Variants in ZNF577 observed in about 807,000 individuals in gnomAD.
The protein encoded by ZNF577 is zinc finger protein 577.
A neutral mutation model predicts 13.9 loss-of-function variants in ZNF577; 14 were observed. The observed-to-expected ratio is 1.00, with a 90% confidence interval of 0.66 to 1.57. ZNF577 has a LOEUF of 1.57. ZNF577 is among the 40% of genes most tolerant of loss of function. ZNF577 has a pLI of 0.00. For missense variants in ZNF577, 555 were observed against 579.2 expected (o/e 0.96, Z 0.43); for synonymous variants, 203 against 202.9 (o/e 1.00, Z 0.00).
chr19:51,886,370 C>A (rs2084946951), intron 1 of ZNF577: 1 of 152,156 alleles, frequency 6.6e-6, no homozygotes, highest in Non-Finnish European at 1.5e-5. Context: ...TTTATCTATA[C>A]CACCATTCAG....
At chr19:51,817,655 T>C (rs2084149537) in intron 9 of ZNF577, 1 of 152,216 alleles carries the variant, frequency 6.6e-6, no homozygotes, top group African/African-American at 2.4e-5. Context: ...TCTGTTCTAC[T>C]CATCAATACA....
intron 9 of ZNF577, among the ~76,000 whole-genome samples, chr19:51,822,242 G>A (rs976006807): frequency 2.0e-5 from 3 of 152,174 alleles, no homozygotes; most frequent in Admixed American, 1.3e-4. Context: ...CTCCCATAGT[G>A]TTATTGCCCA....
intron 9 of ZNF577, among the ~76,000 whole-genome samples, chr19:51,835,781 C>G (rs545189829): frequency 1.3e-5 from 2 of 152,180 alleles, no homozygotes; most frequent in Non-Finnish European, 2.9e-5. Context: ...CAACCTCCGC[C>G]TCCCTGGTTC....
chr19:51,875,610 T>C (rs2084747172), intron 5 of ZNF577, among the ~76,000 whole-genome samples: 1 of 152,212 alleles, frequency 6.6e-6, no homozygotes, highest in African/African-American at 2.4e-5. Flanking sequence ...ATCTTCTGAC[T>C]CTCCCACCAC....
At chr19:51,855,377 G>GTGTA (rs879293976) in intron 5 of ZNF577, among the ~76,000 whole-genome samples, 6,046 of 117,158 alleles carry the variant, frequency 0.052, 267 homozygotes, top group South Asian at 0.23. Flanking sequence ...CTGTGTGTGT[G>GTGTA]TGTGTGTGTG....
chr19:51,840,894 A>G (rs1221618688), intron 8 of ZNF577: 1 of 152,240 alleles, frequency 6.6e-6, no homozygotes, highest in Non-Finnish European at 1.5e-5. Flanking sequence ...AACTTTTAAA[A>G]TGAATAATTG....
chr19:51,813,756 G>T (rs183714758), intron 9 of ZNF577, among the ~76,000 whole-genome samples: 1 of 152,052 alleles, frequency 6.6e-6, no homozygotes, highest in South Asian at 2.1e-4. Flanking sequence ...GGATGGACTC[G>T]ATCTCCTGAC....
At chr19:51,850,594 A>G (rs2084374737) in intron 5 of ZNF577, among the ~76,000 whole-genome samples, 1 of 152,178 alleles carries the variant, frequency 6.6e-6, no homozygotes, top group East Asian at 1.9e-4. Context: ...CTGTGGGTAT[A>G]ATGCCTTTTC....
intron 5 of ZNF577, among the ~76,000 whole-genome samples, chr19:51,856,340 C>T (rs1020999889): frequency 6.6e-6 from 1 of 152,164 alleles, no homozygotes; most frequent in African/African-American, 2.4e-5. Flanking sequence ...TAATACTGCA[C>T]CAATTTAATA....
At chr19:51,828,217 A>C (rs917070962) in intron 9 of ZNF577, among the ~76,000 whole-genome samples, 1 of 152,032 alleles carries the variant, frequency 6.6e-6, no homozygotes, top group African/African-American at 2.4e-5. Flanking sequence ...AAAATACAAA[A>C]ATTATCTGGG....
downstream of ZNF577, among the ~76,000 whole-genome samples, chr19:51,866,813 C>A (rs2084569942): frequency 6.6e-6 from 1 of 152,114 alleles, no homozygotes; most frequent in Non-Finnish European, 1.5e-5. Flanking sequence ...GAAATCCCAT[C>A]TCTACTAAAA....
chr19:51,880,299 C>T (rs745506169), intron 3 of ZNF577, 24 bp downstream of exon 3: 4 of 1,611,670 alleles, frequency 2.5e-6, no homozygotes, highest in Non-Finnish European at 3.4e-6. Context: ...GTTTCTCAAG[C>T]TCTCACAGCA....
intron 5 of ZNF577, chr19:51,860,958 TC>T (rs1272270865): frequency 2.3e-6 from 1 of 430,650 alleles, no homozygotes; most frequent in African/African-American, 2.1e-5. Flanking sequence ...ATCTGTAGGG[TC>T]CTTCTCCTGA....
Position 51,873,236 on chromosome 19 carries a change from T to A in ZNF577, c.754A>T (p.Ser252Cys), listed in dbSNP as rs567794766. Reference sequence around the variant, plus strand: ...TGTCTATTGAGCCGGCACTTCCGGCTGAAGGCTTTTCCGCATTTGCTGCAT... The same window carrying A: ...TGTCTATTGAGCCGGCACTTCCGGCAGAAGGCTTTTCCGCATTTGCTGCAT... ...YRCSKCGKAF[S>C]RKCRLNRHQR... Residue 252 changes from serine to cysteine, a missense_variant, in exon 6 of 6, where the codon AGC (serine) becomes TGC (cysteine). Physicochemically the swap from Ser to Cys is moderately radical, Grantham distance 112. Transcript: ENST00000638348. 2 of 1,613,916 alleles carry A rather than the reference T, an allele frequency of 1.2e-6. No homozygotes were observed. The highest frequency in any genetic ancestry group is 1.1e-5 in the South Asian group (1 of 91,080).
At chr19:51,813,599 C>T (rs754124821) in intron 9 of ZNF577, among the ~76,000 whole-genome samples, 2 of 151,810 alleles carry the variant, frequency 1.3e-5, no homozygotes, top group Non-Finnish European at 2.9e-5. Flanking sequence ...GGCGTGATCT[C>T]GGCTCACTGC....
Position 51,873,109 on chromosome 19 carries a change from C to T in ZNF577, c.881G>A (p.Gly294Glu), listed in dbSNP as rs1193982318. The T allele has an allele frequency of 2.5e-6, 4 of 1,614,224 alleles. No individual in the cohort carries two copies. The South Asian group carries it at 3.3e-5, about 13-fold the overall frequency. Residue 294 changes from glycine (G) to glutamate (E), a missense_variant, in exon 6 of 6, where the codon GGA becomes GAA. Transcript: ENST00000638348. ...ATCACTGCATTTATAAGGCTTATCT[C>T]CTGTGTGAAGTCTCTGGTGTGCAGT... ...YLTAHQRLHT[G>E]DKPYKCSDCG...
rs2084221784 is a variant in ZNF577, at chr19:51,824,954, G to T, written c.*600-13280C>A. On this transcript the variant is annotated intron_variant and NMD_transcript_variant, in intron 9 of 10. Transcript: ENST00000638827. This position sits in a 1 kb window ranked among gnomAD's most constrained non-coding sequence, Gnocchi z 4.7. ...GAAGTCTGTACCAAATCTGTAGGGG[G>T]TTTTTCCCACAACCAAGCAATAGAC... The T allele has an allele frequency of 1.5e-6, 1 of 687,244 alleles. No individual in the cohort carries two copies. The allele number at this position is 687,244 out of a possible 1,614,324, so 42.6% of individuals were successfully genotyped here. A position where few individuals can be genotyped will look rare whatever the true frequency, so the allele number is the denominator to read the frequency against.
At chr19:51,810,368 C>T (rs7258394) in intron 10 of ZNF577, among the ~76,000 whole-genome samples, 4,722 of 152,244 alleles carry the variant, frequency 0.031, 264 homozygotes, top group African/African-American at 0.11. Flanking sequence ...AGGAATCTGA[C>T]GCTTCACTGC....
chr19:51,822,238 T>C (rs1197149183), intron 9 of ZNF577, among the ~76,000 whole-genome samples: 1 of 152,178 alleles, frequency 6.6e-6, no homozygotes, highest in East Asian at 1.9e-4. Context: ...TATCCTCCCA[T>C]AGTGTTATTG....
Sources: gnomAD v4.1 joint callset for allele counts (sites outside exome capture counted in the v4.1 genomes callset) on GRCh38, gnomAD v4.1.1 for gene constraint, Gnocchi (gnomAD v3.1) non-coding constraint, MANE v1.5 for transcripts, NCBI Gene and HGNC (gene_info 2026-07-23, HGNC 2026-07-21) for gene names.